The following EGFR variants were observed in gnomAD, a reference collection of about 807,000 sequenced individuals.
EGFR encodes epidermal growth factor receptor.
A neutral mutation model predicts 143.0 loss-of-function variants in EGFR; 58 were observed. The ratio of observed to expected loss-of-function variants is 0.41; its 90% confidence interval spans 0.33 to 0.50. The LOEUF (loss-of-function observed/expected upper bound fraction) is 0.50, where lower values mean the gene tolerates loss of function less well. Ranked by LOEUF, EGFR falls within the 20% of genes least tolerant of loss-of-function variation. The pLI, the probability that EGFR is intolerant of heterozygous loss-of-function variation, is 0.39. For missense variants in EGFR, 1,307 were observed against 1,579.0 expected (o/e 0.83, Z 2.92); for synonymous variants, 613 against 594.4 (o/e 1.03, Z -0.45).
rs1053406867 is a variant in EGFR at position 55,175,434 on chromosome 7, C to T, written c.2283+614C>T. ...GAAAATTCCACAAGATTATTGTTAT[C>T]TTCTTACTACCAATTCTATTGAACT... On this transcript the variant is annotated intron_variant, in intron 19 of 27. Transcript: ENST00000275493. Among the ~76,000 whole-genome samples the T allele has an allele frequency of 2.0e-5, 3 of 151,648 alleles. No homozygotes were observed. In the East Asian group the frequency reaches 5.8e-4, roughly 29 times the overall value.
At chr7:55,020,171 C>T (rs1164653612) in intron 1 of EGFR, among the ~76,000 whole-genome samples, 1 of 152,246 alleles carries the variant, frequency 6.6e-6, no homozygotes, top group Non-Finnish European at 1.5e-5. Context: ...CGGCCGCTCG[C>T]CTCGCCCGGT....
chr7:55,093,258 C>T (rs999480757), intron 1 of EGFR, among the ~76,000 whole-genome samples: 3 of 152,226 alleles, frequency 2.0e-5, no homozygotes, highest in Non-Finnish European at 4.4e-5. Context: ...AGAATAGATA[C>T]TGCCTTCCAT....
At chr7:55,109,553 C>T (rs1792339041) in intron 1 of EGFR, among the ~76,000 whole-genome samples, 1 of 152,218 alleles carries the variant, frequency 6.6e-6, no homozygotes, top group Non-Finnish European at 1.5e-5. Flanking sequence ...AAGCAGAAAG[C>T]AAGACAAGAC....
At position 55,206,575 on chromosome 7, in the gene EGFR, T is replaced by G. The variant is rs917177149; in HGVS notation, c.*958T>G. 4.3e-6 allele frequency: 1 copy of G among 233,322 alleles called. No individual in the cohort carries two copies. The highest frequency in any genetic ancestry group is 8.5e-6 in the Non-Finnish European group (1 of 118,066). 14.5% of individuals were successfully genotyped at this position (233,322 alleles called of 1,614,324 possible). ...CGTATCTCCTAATTTGAGGCTCAGA[T>G]GAAATGCATCAGGTCCTTTGGGGCA... On this transcript the variant is annotated 3_prime_UTR_variant, in exon 28 of 28. Coordinates refer to ENST00000275493, the MANE Select transcript of EGFR (RefSeq NM_005228.5).
intron 1 of EGFR, among the ~76,000 whole-genome samples, chr7:55,041,541 CAT>C (rs1168939687): frequency 5.9e-5 from 9 of 152,298 alleles, no homozygotes; most frequent in Admixed American, 2.0e-4. Context: ...ATGCCACAAA[CAT>C]ATATATGTAG....
chr7:55,129,871 C>G (rs1380270119), intron 1 of EGFR, among the ~76,000 whole-genome samples: 4 of 152,220 alleles, frequency 2.6e-5, no homozygotes, highest in Non-Finnish European at 4.4e-5. Flanking sequence ...TCACATACTT[C>G]CTGACCTCCT....
chr7:55,059,634 C>T (rs1789051894), intron 1 of EGFR, among the ~76,000 whole-genome samples: 1 of 152,026 alleles, frequency 6.6e-6, no homozygotes, highest in African/African-American at 2.4e-5. Context: ...ACTCCTCCTT[C>T]CCACCCTCCC....
intron 20 of EGFR, among the ~76,000 whole-genome samples, chr7:55,184,398 T>A (rs1787038314): frequency 6.6e-6 from 1 of 152,224 alleles, no homozygotes; most frequent in Admixed American, 6.5e-5. Context: ...GCTCATGACC[T>A]GCTCTCCAGC....
intron 5 of EGFR, 124 bp from the exon 6 acceptor site, chr7:55,152,422 G>A: frequency 1.1e-6 from 1 of 893,632 alleles, no homozygotes; most frequent in African/African-American, 1.6e-5. Flanking sequence ...TTTGAATGTG[G>A]TTTCGTTGGA....
chr7:55,167,940 C>T (rs977444495), intron 15 of EGFR, among the ~76,000 whole-genome samples: 5 of 152,066 alleles, frequency 3.3e-5, no homozygotes, highest in Admixed American at 1.3e-4. Flanking sequence ...AATGTCTCAG[C>T]GTGAAAAACA....
intron 18 of EGFR, 54 bp from the exon 19 acceptor site, chr7:55,174,668 T>G (rs2128954445): frequency 7.0e-7 from 1 of 1,425,862 alleles, no homozygotes; most frequent in South Asian, 1.1e-5. Context: ...CTGGGCAGCA[T>G]GTGGCACCAT....
chr7:55,201,113 C>T (rs971141978), intron 24 of EGFR, 75 bp from the exon 25 acceptor site: 1 of 1,588,514 alleles, frequency 6.3e-7, no homozygotes, highest in Non-Finnish European at 8.6e-7. Context: ...TGGCAATAGA[C>T]CCCTGCTCCT....
intron 6 of EGFR, 137 bp downstream of exon 6, chr7:55,152,801 G>A (rs1178005127): frequency 4.3e-6 from 3 of 700,892 alleles, no homozygotes; most frequent in African/African-American, 3.6e-5. Flanking sequence ...CCCTCTGCCT[G>A]GTGACAAAGT....
At chr7:55,096,663 G>A (rs762132957) in intron 1 of EGFR, among the ~76,000 whole-genome samples, 5 of 152,164 alleles carry the variant, frequency 3.3e-5, no homozygotes, top group Non-Finnish European at 5.9e-5. Context: ...GGGAACTGCC[G>A]CACGGCCACT....
Position 55,170,700 on chromosome 7 carries a change from G to A in EGFR, c.1881-475G>A, listed in dbSNP as rs903051797. 7.1e-6 allele frequency: 11 copies of A among 1,551,832 alleles called. No homozygotes were observed. In the African/African-American group the frequency reaches 9.5e-5, roughly 13 times the overall value. On this transcript the variant is annotated intron_variant, in intron 15 of 27. Transcript: ENST00000275493. The stretch of plus-strand genomic sequence containing the variant: ...AACTAGTAGCTAACCATCACCCCCA[G>A]GACTGACCTCTTCCTCCTCGCTGCC...
rs572551713 is a variant in EGFR at position 55,043,493 on chromosome 7, C to T, written c.88+24128C>T. On this transcript the variant is annotated intron_variant, in intron 1 of 27. Coordinates refer to ENST00000275493, the MANE Select transcript of EGFR (RefSeq NM_005228.5). The stretch of plus-strand genomic sequence containing the variant: ...TATGCCTCAGCCTCCCAAGTAGTAG[C>T]TGGGATTACAGGTGTGCACCACTAC... 9.2e-4 allele frequency among the ~76,000 whole-genome samples: 140 copies of T among 152,260 alleles called. 1 individual carries two copies. Among genetic ancestry groups the T allele is most frequent in the East Asian group, 1.9e-4 (1 of 5,174 alleles).
At chr7:55,087,064 C>T (rs1397456437) in intron 1 of EGFR, among the ~76,000 whole-genome samples, 5 of 152,036 alleles carry the variant, frequency 3.3e-5, no homozygotes, top group Non-Finnish European at 7.4e-5. Flanking sequence ...GCTTTCACTA[C>T]TTCCACTGCC....
intron 20 of EGFR, among the ~76,000 whole-genome samples, chr7:55,183,127 C>G (rs1185293041): frequency 6.6e-6 from 1 of 152,146 alleles, no homozygotes; most frequent in Non-Finnish European, 1.5e-5. Flanking sequence ...CTGCACCTCC[C>G]CATGTCAACC....
At chr7:55,072,644 A>G (rs1315958288) in intron 1 of EGFR, among the ~76,000 whole-genome samples, 1 of 152,186 alleles carries the variant, frequency 6.6e-6, no homozygotes, top group South Asian at 2.1e-4. Flanking sequence ...CACTAATAGG[A>G]CCAACAGTGG....
Sources: allele counts gnomAD v4.1 joint callset (sites outside exome capture counted in the v4.1 genomes callset), GRCh38; gene constraint gnomAD v4.1.1; transcripts MANE v1.5; gene names NCBI Gene and HGNC (gene_info 2026-07-23, HGNC 2026-07-21).